The following BCO2 variants were observed in gnomAD, a reference collection of about 807,000 sequenced individuals.
BCO2 encodes the protein carotenoid-cleaving dioxygenase, mitochondrial.
Under a neutral mutation model 65.8 loss-of-function variants are expected in BCO2, and 56 were observed. The ratio of observed to expected loss-of-function variants is 0.85; its 90% confidence interval spans 0.69 to 1.06. The LOEUF is 1.06. Among genes scored for constraint, BCO2 ranks in the 50% least tolerant of loss-of-function variants. The pLI is 0.00. For missense variants in BCO2, 675 were observed against 698.5 expected (o/e 0.97, Z 0.38); for synonymous variants, 233 against 242.3 (o/e 0.96, Z 0.36).
chr11:112,176,973 C>T (rs1383173457), intron 1 of BCO2, among the ~76,000 whole-genome samples: 1 of 152,132 alleles, frequency 6.6e-6, no homozygotes, highest in Non-Finnish European at 1.5e-5. Flanking sequence ...TCTATGGAAA[C>T]TTTGAAGAGC....
intron 2 of BCO2, among the ~76,000 whole-genome samples, chr11:112,184,470 G>A (rs1057221787): frequency 4.6e-5 from 7 of 152,110 alleles, no homozygotes; most frequent in Admixed American, 1.3e-4. Flanking sequence ...AGCCAGGATG[G>A]TCTCGATCTC....
intron 2 of BCO2, among the ~76,000 whole-genome samples, chr11:112,189,660 C>G (rs573341680): frequency 1.3e-5 from 2 of 152,166 alleles, no homozygotes; most frequent in South Asian, 4.1e-4. Flanking sequence ...CCTCGGCCTC[C>G]CAAAGTGCTG....
chr11:112,189,645 G>A (rs1452057186), intron 2 of BCO2, among the ~76,000 whole-genome samples: 6 of 151,986 alleles, frequency 3.9e-5, no homozygotes, highest in South Asian at 4.1e-4. Context: ...CTTGTGATCC[G>A]CCTGCCTCGG....
At chr11:112,207,491 A>G (rs1310763014) in intron 8 of BCO2, among the ~76,000 whole-genome samples, 1 of 152,210 alleles carries the variant, frequency 6.6e-6, no homozygotes, top group Non-Finnish European at 1.5e-5. Flanking sequence ...CTGTATATGC[A>G]TTATTCTGTT....
Position 112,178,134 on chromosome 11 carries a change from C to T in BCO2, c.89-1144C>T, listed in dbSNP as rs535346940. 2.4e-4 allele frequency among the ~76,000 whole-genome samples: 36 copies of T among 151,398 alleles called. No individual in the cohort carries two copies. The East Asian group carries it at 6.6e-3, about 28-fold the overall frequency. On this transcript the variant is annotated intron_variant, in intron 1 of 11. Coordinates refer to ENST00000357685, the MANE Select transcript of BCO2 (RefSeq NM_031938.7). ...TTCATTATGTTGGCCAGACAGGTCTCGAACTCCTGACCTCAGGTGATCCAC... is the reference window on the plus strand; with the variant it reads ...TTCATTATGTTGGCCAGACAGGTCTTGAACTCCTGACCTCAGGTGATCCAC...
At chr11:112,180,385 C>T (rs1331124009) in intron 2 of BCO2, among the ~76,000 whole-genome samples, 4 of 152,126 alleles carry the variant, frequency 2.6e-5, no homozygotes, top group East Asian at 3.9e-4. Flanking sequence ...TTATCAGTGT[C>T]TGGTATTTTT....
rs1859573433 is a variant in BCO2 at position 112,213,596 on chromosome 11, T to C, written c.1195-128T>C. On this transcript the variant is annotated intron_variant, in intron 8 of 11. Transcript: ENST00000357685. ...AGGTACTCAACAAATATTAAGTAGA[T>C]GAATGAATGGAAATTATCATTTATT... The C allele has an allele frequency of 5.8e-6, 6 of 1,042,258 alleles. No homozygotes were observed. In the South Asian group the frequency reaches 6.1e-5, roughly 11 times the overall value. The allele number at this position is 1,042,258 out of a possible 1,614,324, so 64.6% of individuals were successfully genotyped here. A position where few individuals can be genotyped will look rare whatever the true frequency, so the allele number is the denominator to read the frequency against.
rs191561797 is a variant in BCO2 at position 112,186,192 on chromosome 11, G to A, written c.293+6710G>A. Among the ~76,000 whole-genome samples, 558 of 152,222 alleles carry A rather than the reference G, an allele frequency of 3.7e-3. 3 individuals are homozygous for A. Among genetic ancestry groups the A allele is most frequent in the African/African-American group, 0.013 (539 of 41,568 alleles). On this transcript the variant is annotated intron_variant, in intron 2 of 11. Coordinates refer to ENST00000357685, the MANE Select transcript of BCO2 (RefSeq NM_031938.7). The stretch of plus-strand genomic sequence containing the variant: ...AAACAGCCTCTTACAGAGGGTATAT[G>A]GTATTTCACCTGCTGCAGAAGGAGA...
chr11:112,197,738 G>T (rs1867620604), intron 5 of BCO2, among the ~76,000 whole-genome samples: 1 of 152,042 alleles, frequency 6.6e-6, no homozygotes, highest in Non-Finnish European at 1.5e-5. Context: ...TTTCAGCTCT[G>T]TAACACCAGA....
intron 2 of BCO2, among the ~76,000 whole-genome samples, chr11:112,182,382 C>G (rs1401014533): frequency 6.6e-6 from 1 of 152,168 alleles, no homozygotes. Flanking sequence ...AATCATGCTG[C>G]TATAAAGACA....
At chr11:112,188,828 T>C (rs915758986) in intron 2 of BCO2, among the ~76,000 whole-genome samples, 10 of 151,954 alleles carry the variant, frequency 6.6e-5, no homozygotes, top group South Asian at 6.2e-4. Flanking sequence ...TGCCTGTAAG[T>C]GCTGACCTTG....
rs185230200 is a variant in BCO2 at position 112,178,845 on chromosome 11, C to T, written c.89-433C>T. 1.8e-4 allele frequency among the ~76,000 whole-genome samples: 28 copies of T among 152,266 alleles called. No homozygotes were observed. In the East Asian group the frequency reaches 2.5e-3, roughly 14 times the overall value. On this transcript the variant is annotated intron_variant, in intron 1 of 11. Transcript: ENST00000357685. ...ATCACATTCTGGTATATCTAAATTACTGGGGTCAATATAATTGGATAATAT... is the reference window on the plus strand; with the variant it reads ...ATCACATTCTGGTATATCTAAATTATTGGGGTCAATATAATTGGATAATAT...
chr11:112,197,471 C>A (rs1489808061), intron 5 of BCO2, among the ~76,000 whole-genome samples: 1 of 151,672 alleles, frequency 6.6e-6, no homozygotes, highest in Non-Finnish European at 1.5e-5. Flanking sequence ...TCACTTGAGA[C>A]CAGAAGGTTG....
At position 112,214,949 on chromosome 11, in the gene BCO2, T is replaced by C; in HGVS notation, c.1515+5T>C. ...GTGGTGAATAAGACACTGAAGGTGATGAAAAACTCTTTCCTTTTTGAACTT... is the reference window on the plus strand; with the variant it reads ...GTGGTGAATAAGACACTGAAGGTGACGAAAAACTCTTTCCTTTTTGAACTT... On this transcript the variant is annotated splice_donor_5th_base_variant and intron_variant, in intron 10 of 11. Transcript: ENST00000357685. The C allele has an allele frequency of 1.2e-6, 2 of 1,614,064 alleles. No individual in the cohort carries two copies. The highest frequency in any genetic ancestry group is 1.7e-6 in the Non-Finnish European group (2 of 1,179,914).
chr11:112,206,973 A>G (rs1859361782), intron 8 of BCO2, among the ~76,000 whole-genome samples: 1 of 152,010 alleles, frequency 6.6e-6, no homozygotes, highest in African/African-American at 2.4e-5. Flanking sequence ...TTAAGCTTTC[A>G]TTTTCTGTTT....
Position 112,200,618 on chromosome 11 carries a change from A to G in BCO2, c.871A>G (p.Thr291Ala), listed in dbSNP as rs1159089043. The change falls in exon 7 of 12, where the codon ACA (threonine) becomes GCA (alanine). Residue 291 changes from threonine to alanine, a missense_variant. Thr to Ala is a moderately conservative substitution (Grantham distance 58, BLOSUM62 0). Transcript: ENST00000357685. ...TGTTTGCTGGAACCTTTTAGGAATG[A>G]CAAGGAACTATATAATTTTCATTGA... The part of the protein sequence containing the change: ...KPSYYHSFGM[T>A]RNYIIFIEQP... The G allele has an allele frequency of 4.4e-6, 7 of 1,603,348 alleles. No homozygotes were observed. Among genetic ancestry groups the G allele is most frequent in the Non-Finnish European group, 5.9e-6 (7 of 1,177,172 alleles).
chr11:112,181,697 AT>A, intron 2 of BCO2: 1 of 980,242 alleles, frequency 1.0e-6, no homozygotes, highest in Non-Finnish European at 1.6e-6. Flanking sequence ...AATTTGTCCG[AT>A]TTTTACTAGC....
intron 8 of BCO2, among the ~76,000 whole-genome samples, chr11:112,207,346 A>T (rs553123680): frequency 6.6e-6 from 1 of 152,222 alleles, no homozygotes; most frequent in Non-Finnish European, 1.5e-5. Context: ...ATGAATAAAC[A>T]TTCTTAACTT....
chr11:112,181,129 G>A (rs1265716965), intron 2 of BCO2: 17 of 1,375,008 alleles, frequency 1.2e-5, no homozygotes, highest in Non-Finnish European at 1.6e-5. Context: ...TGGCCCACAT[G>A]TTTAAGGACA....
Sources: gnomAD v4.1 joint callset for allele counts (sites outside exome capture counted in the v4.1 genomes callset) on GRCh38, gnomAD v4.1.1 for gene constraint, MANE v1.5 for transcripts, NCBI Gene and HGNC (gene_info 2026-07-23, HGNC 2026-07-21) for gene names.